COPA: variants seen among roughly 807,000 people sequenced by gnomAD.
COPA encodes coatomer subunit alpha.
COPA carries 10 observed loss-of-function variants against 158.7 expected under a neutral mutation model. That is an observed-to-expected ratio of 0.06 (90% CI 0.04 to 0.11). The LOEUF is 0.11. Among genes scored for constraint, COPA ranks in the 10% least tolerant of loss-of-function variants. COPA has a pLI of 1.00. For synonymous variants in COPA, 462 were observed against 542.8 expected, an observed-to-expected ratio of 0.85 and a Z score of 2.07; for missense variants, 1,065 against 1,536.7, an observed-to-expected ratio of 0.69 and a Z score of 5.13.
rs370936027 is a variant in COPA, at chr1:160,298,878, G to C, written c.1944C>G (p.Arg648=). ...TTCCACACTCCAGTGCCAGACTAAA[G>C]CGAGTTTTCTCATCCTTGACAAAAT... is the stretch of plus-strand genomic sequence containing the variant. ...ALHFVKDEKT[R]FSLALECGNI... is the part of the protein sequence containing the mutation. The change falls in exon 19 of 33, where the codon CGC becomes CGG. Residue 648 remains arginine, a synonymous_variant. Transcript: ENST00000241704. 5.1e-5 allele frequency: 83 copies of C among 1,613,966 alleles called. No homozygotes were observed. Among genetic ancestry groups the C allele is most frequent in the Non-Finnish European group, 6.8e-5 (80 of 1,180,024 alleles).
rs1279201907 is a variant in COPA, at chr1:160,332,581, A to C, written c.387-24T>G. ...CACTGCAAGAAAAAAAAAAGACAAT[A>C]CCAAATTAGAGGTGGAAGTCAACAG... On this transcript the variant is annotated intron_variant, in intron 5 of 32. Transcript: ENST00000241704. 2.6e-6 allele frequency: 4 copies of C among 1,517,930 alleles called. No individual in the cohort carries two copies. In the African/African-American group the frequency reaches 4.2e-5, roughly 16 times the overall value. The allele number at this position is 1,517,930 out of a possible 1,614,324, so 94.0% of individuals were successfully genotyped here.
rs749865699 is a variant in COPA, at chr1:160,314,019, C to A, written c.813G>T (p.Lys271Asn). 3.1e-6 allele frequency: 5 copies of A among 1,613,944 alleles called. No individual in the cohort carries two copies. The change falls in exon 9 of 33, where the codon AAG (lysine) becomes AAT (asparagine). Residue 271 changes from lysine to asparagine, a missense_variant. Around this residue, in one of 2 missense-constraint regions of COPA, gnomAD observed 980 missense variants for 1,357.8 expected, o/e 0.72. Coordinates refer to ENST00000241704, the MANE Select transcript of COPA (RefSeq NM_004371.4). Reference protein sequence around the residue: ...QELILSNSEDKSIRVWDMSKR... With the variant: ...QELILSNSEDNSIRVWDMSKR... ...TAGACATATCCCAGACTCGAATACT[C>A]TTGTCCTCAGAATTGCTGAGGATCA...
In COPA at chr1:160,293,244, A is replaced by G; in HGVS notation, c.2755-10T>C. ...AGTTATTACACCAGATCTAACAAGA[A>G]ACAAAAAAACCCAAGCCAAGTGAAA... On this transcript the variant is annotated splice_polypyrimidine_tract_variant and intron_variant, in intron 26 of 32. Transcript: ENST00000241704. 1 of 1,614,138 alleles carries G rather than the reference A, an allele frequency of 6.2e-7. No individual in the cohort carries two copies. The highest frequency in any genetic ancestry group is 8.5e-7 in the Non-Finnish European group (1 of 1,180,028).
intron 21 of COPA, among the ~76,000 whole-genome samples, chr1:160,296,780 C>T (rs978635034): frequency 3.3e-5 from 5 of 152,158 alleles, no homozygotes; most frequent in Non-Finnish European, 5.9e-5. Flanking sequence ...CCTTGGATAT[C>T]CCTGACTCCT....
At chr1:160,330,117 G>A (rs1450528587) in intron 6 of COPA, among the ~76,000 whole-genome samples, 2 of 151,218 alleles carry the variant, frequency 1.3e-5, no homozygotes, top group African/African-American at 2.4e-5. Flanking sequence ...TGTCCCCACC[G>A]CCACCCCCCC....
chr1:160,325,392 C>G lies in COPA; in HGVS notation c.606+151G>C, dbSNP rs560852052. Reference sequence around the variant, plus strand: ...TAAGCTTCATTTCTCTGTTGGTTCACGCACAATTTGATTTCTAGTACCTCA... The same window carrying G: ...TAAGCTTCATTTCTCTGTTGGTTCAGGCACAATTTGATTTCTAGTACCTCA... On this transcript the variant is annotated intron_variant, in intron 7 of 32. Coordinates refer to ENST00000241704, the MANE Select transcript of COPA (RefSeq NM_004371.4). 83 of 657,542 alleles carry G rather than the reference C, an allele frequency of 1.3e-4. No individual in the cohort carries two copies. In the African/African-American group the frequency reaches 1.4e-3, roughly 11 times the overall value. The allele number at this position is 657,542 out of a possible 1,614,324, so 40.7% of individuals were successfully genotyped here.
rs75190422 is a variant in COPA, at chr1:160,293,382, T to A, written c.2754+4A>T. 6 of 1,613,522 alleles carry A rather than the reference T, an allele frequency of 3.7e-6. No homozygotes were observed. The highest frequency in any genetic ancestry group is 5.1e-6 in the Non-Finnish European group (6 of 1,179,752). ...CCTGCCGTGCTAGGTTTCTTCCCGC[T>A]TACCTGAGTTGGACTTGTTCCCTTG... On this transcript the variant is annotated splice_donor_region_variant and intron_variant, in intron 26 of 32. Coordinates refer to ENST00000241704, the MANE Select transcript of COPA (RefSeq NM_004371.4).
In COPA at chr1:160,291,506, A is replaced by G; in HGVS notation, c.3259-10T>C. 6.2e-7 allele frequency: 1 copy of G among 1,611,324 alleles called. No individual in the cohort carries two copies. The highest frequency in any genetic ancestry group is 1.3e-5 in the African/African-American group (1 of 75,026). ...TGAAATAGGCTGCCATCTGGTGGACAGAAAAAGGAACACATGCCAGGTTGA... is the reference window on the plus strand; with the variant it reads ...TGAAATAGGCTGCCATCTGGTGGACGGAAAAAGGAACACATGCCAGGTTGA... On this transcript the variant is annotated splice_polypyrimidine_tract_variant and intron_variant, in intron 30 of 32. Transcript: ENST00000241704.
Position 160,325,622 on chromosome 1 carries a change from G to A in COPA, c.527C>T (p.Ala176Val), listed in dbSNP as rs375464084. ...TATTCCTCTCACATCCGATTCCACC[G>A]CACCAGGGGACAGGTTTTTTTTCCT... ...GLRKKNLSPG[A>V]VESDVRGITG... The change falls in exon 7 of 33, where the codon GCG (alanine) becomes GTG (valine). Residue 176 changes from alanine (A) to valine (V), a missense_variant. Coordinates refer to ENST00000241704, the MANE Select transcript of COPA (RefSeq NM_004371.4). 5.6e-6 allele frequency: 9 copies of A among 1,613,990 alleles called. No individual in the cohort carries two copies. Among genetic ancestry groups the A allele is most frequent in the African/African-American group, 2.7e-5 (2 of 74,906 alleles).
chr1:160,335,254 C>T lies in COPA; in HGVS notation c.297G>A (p.Thr99=), dbSNP rs77097084. The T allele has an allele frequency of 1.6e-3, 2,600 of 1,608,976 alleles. 35 individuals carry two copies. In the East Asian group the frequency reaches 0.032, roughly 20 times the overall value. ...LLGHLDYIRT[T]FFHHEYPWIL... ...CATGACTACTTACATGATGAAAAAA[C>T]GTGGTGCGAATATAATCTAAGTGCC... The change falls in exon 4 of 33, where the codon ACG becomes ACA. Residue 99 remains threonine, a synonymous_variant. Transcript: ENST00000241704.
Position 160,315,678 on chromosome 1 carries a change from C to G in COPA, c.707-1553G>C, listed in dbSNP as rs76364255. 4.5e-3 allele frequency among the ~76,000 whole-genome samples: 687 copies of G among 152,296 alleles called. 6 individuals carry two copies. Among genetic ancestry groups the G allele is most frequent in the African/African-American group, 0.016 (650 of 41,572 alleles). On this transcript the variant is annotated intron_variant, in intron 8 of 32. Coordinates refer to ENST00000241704, the MANE Select transcript of COPA (RefSeq NM_004371.4). ...ACCAAAGCAAGCCAAACAGAGAAAACTGGAATAAGTAACTAATCTTTCAAT... is the reference window on the plus strand; with the variant it reads ...ACCAAAGCAAGCCAAACAGAGAAAAGTGGAATAAGTAACTAATCTTTCAAT...
chr1:160,333,425 A>G, intron 5 of COPA, 178 bp downstream of exon 5: 1 of 487,572 alleles, frequency 2.1e-6, no homozygotes, highest in Non-Finnish European at 3.6e-6. Flanking sequence ...CCAGATTCAT[A>G]TATGGGATTG....
At chr1:160,291,629 C>T in intron 30 of COPA, 133 bp from the exon 31 acceptor site, 1 of 1,201,472 alleles carries the variant, frequency 8.3e-7, no homozygotes, top group South Asian at 1.4e-5. Flanking sequence ...AGGTCTTCTA[C>T]CTCCTAGGTA....
intron 32 of COPA, 82 bp from the exon 33 acceptor site, chr1:160,290,298 T>A: frequency 6.7e-7 from 1 of 1,503,344 alleles, no homozygotes; most frequent in African/African-American, 1.4e-5. Flanking sequence ...TACCCCTCAA[T>A]GGGCACAGTA....
At position 160,294,833 on chromosome 1, in the gene COPA, T is replaced by C; in HGVS notation, c.2501A>G (p.Asp834Gly). 1 of 1,614,136 alleles carries C rather than the reference T, an allele frequency of 6.2e-7. No individual in the cohort carries two copies. The highest frequency in any genetic ancestry group is 8.5e-7 in the Non-Finnish European group (1 of 1,179,996). ...TGTACCAACAGTGTCAATGTCAATG[T>C]CAGCAGCCAGTGCTCCTCCCTTCCC... Reference protein sequence around the residue: ...SKGKGGALAADIDIDTVGTEG... With the variant: ...SKGKGGALAAGIDIDTVGTEG... Residue 834 changes from aspartate to glycine, a missense_variant, in exon 24 of 33, where the codon GAC (aspartate) becomes GGC (glycine). Asp to Gly is a moderately conservative substitution (Grantham distance 94). Coordinates refer to ENST00000241704, the MANE Select transcript of COPA (RefSeq NM_004371.4).
chr1:160,314,738 T>G (rs1032469986), intron 8 of COPA, among the ~76,000 whole-genome samples: 1 of 152,210 alleles, frequency 6.6e-6, no homozygotes, highest in Non-Finnish European at 1.5e-5. Context: ...TTTTTTCTTT[T>G]TTTCAGGGAC....
At chr1:160,312,195 C>A (rs1203276600) in intron 10 of COPA, among the ~76,000 whole-genome samples, 177 bp from the exon 11 acceptor site, 1 of 152,180 alleles carries the variant, frequency 6.6e-6, no homozygotes. Flanking sequence ...CTCTGTGAAT[C>A]CTTTCCTAAT....
At chr1:160,298,055 C>T (rs1658472150) in intron 19 of COPA, among the ~76,000 whole-genome samples, 1 of 152,016 alleles carries the variant, frequency 6.6e-6, no homozygotes, top group African/African-American at 2.4e-5. Flanking sequence ...ATGGTGCACG[C>T]CTGTAGTCCC....
intron 2 of COPA, 85 bp downstream of exon 2, chr1:160,340,096 G>A: frequency 2.0e-6 from 3 of 1,478,512 alleles, no homozygotes; most frequent in African/African-American, 2.8e-5. Context: ...TAATCATAGA[G>A]GAATCCATGT....
Sources: allele counts gnomAD v4.1 joint callset (sites outside exome capture counted in the v4.1 genomes callset), GRCh38; gene constraint gnomAD v4.1.1; regional missense constraint gnomAD v4.1.1; transcripts MANE v1.5; gene names NCBI Gene and HGNC (gene_info 2026-07-23, HGNC 2026-07-21).